Variants in ZFY observed in about 807,000 individuals in gnomAD.
The protein encoded by ZFY is zinc finger Y-chromosomal protein.
For synonymous variants in ZFY, 47 were observed against 55.8 expected (o/e 0.84, Z 0.71); for missense variants, 113 against 170.9 (o/e 0.66, Z 1.89).
intron 2 of ZFY, among the ~76,000 whole-genome samples, chrY:2,959,953 T>G: frequency 3.3e-5 from 1 of 30,608 alleles, no homozygotes; most frequent in Non-Finnish European, 7.8e-5. Context: ...TTGTGATACG[T>G]GAATAGCTTT....
intron 2 of ZFY, among the ~76,000 whole-genome samples, chrY:2,958,255 T>C (rs2051299300): frequency 9.0e-5 from 3 of 33,313 alleles, no homozygotes; most frequent in African/African-American, 2.3e-4. Context: ...TAAGTTCTAG[T>C]GATTAGAGAA....
chrY:2,956,383 G>A, intron 2 of ZFY, among the ~76,000 whole-genome samples: 1 of 33,359 alleles, frequency 3.0e-5, no homozygotes. Context: ...CAATTATACA[G>A]TTCACCATAA....
Position 2,981,396 on chromosome Y carries a change from A to C in ZFY, c.*1403A>C, listed in dbSNP as rs2051398643. 3.0e-5 allele frequency: 1 copy of C among 33,767 alleles called. No individual in the cohort carries two copies. The allele number at this position is 33,767 out of a possible 400,897, so 8.4% of individuals were successfully genotyped here. Reference sequence around the variant, plus strand: ...AAGTTAATGTTATTAAGCAGTTAATAATTTATATGTATGGATATAATATAA... The same window carrying C: ...AAGTTAATGTTATTAAGCAGTTAATCATTTATATGTATGGATATAATATAA... On this transcript the variant is annotated 3_prime_UTR_variant, in exon 8 of 8. Coordinates refer to ENST00000155093, the MANE Select transcript of ZFY (RefSeq NM_003411.4).
chrY:2,940,168 A>G, intron 1 of ZFY, among the ~76,000 whole-genome samples: 1 of 33,529 alleles, frequency 3.0e-5, no homozygotes, highest in Non-Finnish European at 7.4e-5. Context: ...TGAAAACAGG[A>G]TTCTCAGGAA....
intron 3 of ZFY, among the ~76,000 whole-genome samples, chrY:2,970,788 A>G (rs1033925641): frequency 1.2e-4 from 4 of 33,425 alleles, no homozygotes; most frequent in Non-Finnish European, 1.5e-4. Context: ...TGCCCTTCCA[A>G]TTACCTCTCC....
intron 3 of ZFY, among the ~76,000 whole-genome samples, chrY:2,965,668 G>A (rs2051325145): frequency 3.0e-5 from 1 of 33,824 alleles, no homozygotes; most frequent in Non-Finnish European, 7.3e-5. Flanking sequence ...TGAAAAACTG[G>A]GACATATTCC....
intron 1 of ZFY, among the ~76,000 whole-genome samples, chrY:2,947,017 C>CA (rs2051263862): frequency 4.2e-4 from 11 of 26,165 alleles, no homozygotes; most frequent in Admixed American, 2.5e-3. Flanking sequence ...GACTCCGTCT[C>CA]AAAAAAAAAA....
chrY:2,961,051 C>A (rs1471864181), intron 2 of ZFY, 23 bp from the exon 3 acceptor site: 2 of 379,627 alleles, frequency 5.3e-6, no homozygotes, highest in Admixed American at 1.5e-4. Context: ...TGAGATTTGT[C>A]ATTTTAATTT....
intron 3 of ZFY, among the ~76,000 whole-genome samples, chrY:2,962,382 G>A (rs2051314238): frequency 6.0e-5 from 2 of 33,345 alleles, no homozygotes; most frequent in African/African-American, 2.3e-4. Flanking sequence ...TATTTTCTAC[G>A]TTAATATGGT....
intron 1 of ZFY, among the ~76,000 whole-genome samples, chrY:2,953,588 G>A (rs2051284933): frequency 3.0e-5 from 1 of 33,493 alleles, no homozygotes; most frequent in African/African-American, 1.2e-4. Flanking sequence ...CAGATATGGC[G>A]GCCTGTAGTC....
intron 1 of ZFY, among the ~76,000 whole-genome samples, chrY:2,944,185 A>AT (rs2051254916): frequency 9.1e-5 from 3 of 32,816 alleles, no homozygotes; most frequent in Non-Finnish European, 2.2e-4. Flanking sequence ...TTTTTTTTGC[A>AT]TTTTTTGTAC....
At chrY:2,954,699 AAAAT>A (rs751926000) in intron 2 of ZFY, among the ~76,000 whole-genome samples, 976 of 26,526 alleles carry the variant, frequency 0.037, no homozygotes, top group African/African-American at 0.13. Context: ...AGTGTCTCAA[AAAAT>A]AAATAAATAA....
At chrY:2,973,297 G>A in intron 3 of ZFY, among the ~76,000 whole-genome samples, 1 of 32,689 alleles carries the variant, frequency 3.1e-5, no homozygotes, top group African/African-American at 1.2e-4. Flanking sequence ...ATCCACTCAC[G>A]TCCACCTCCC....
intron 1 of ZFY, among the ~76,000 whole-genome samples, chrY:2,950,301 T>C: frequency 3.1e-5 from 1 of 32,556 alleles, no homozygotes; most frequent in African/African-American, 1.2e-4. Flanking sequence ...CCCCCTCCCG[T>C]GGTCCCTCAA....
In ZFY at chrY:2,963,311, C is replaced by T. The variant is rs768400718; in HGVS notation, c.634+1665C>T. On this transcript the variant is annotated intron_variant, in intron 3 of 7. Transcript: ENST00000155093. ...GCAGGTTTTTCTCCTCTGAATATCTCATTTAAAATGATGAGAGAGTCCTCT... is the reference window on the plus strand; with the variant it reads ...GCAGGTTTTTCTCCTCTGAATATCTTATTTAAAATGATGAGAGAGTCCTCT... Among the ~76,000 whole-genome samples, 8 of 33,365 alleles carry T rather than the reference C, an allele frequency of 2.4e-4. No homozygotes were observed. In the South Asian group the frequency reaches 5.2e-3, roughly 22 times the overall value. 89.5% of individuals were successfully genotyped at this position (33,365 alleles called of 37,273 possible).
chrY:2,951,950 G>T, intron 1 of ZFY, among the ~76,000 whole-genome samples: 1 of 24,943 alleles, frequency 4.0e-5, no homozygotes, highest in East Asian at 1.0e-3. Context: ...ATGGAGTCTC[G>T]CTCTGTCGCC....
At chrY:2,954,951 A>G (rs2051288902) in intron 2 of ZFY, among the ~76,000 whole-genome samples, 1 of 31,644 alleles carries the variant, frequency 3.2e-5, no homozygotes, top group Non-Finnish European at 7.6e-5. Flanking sequence ...AGTGGAGTCC[A>G]TCTTATGTTT....
intron 1 of ZFY, among the ~76,000 whole-genome samples, chrY:2,940,384 T>A: frequency 8.9e-5 from 3 of 33,559 alleles, no homozygotes; most frequent in Non-Finnish European, 2.2e-4. Flanking sequence ...GGAATCTACG[T>A]CAATGGCTTT....
intron 3 of ZFY, among the ~76,000 whole-genome samples, chrY:2,966,065 A>G: frequency 3.0e-5 from 1 of 33,221 alleles, no homozygotes; most frequent in Admixed American, 2.7e-4. Flanking sequence ...GCCAAATTAT[A>G]TTATTTTAAA....
Sources: gnomAD v4.1 joint callset for allele counts (sites outside exome capture counted in the v4.1 genomes callset) on GRCh38, gnomAD v4.1.1 for gene constraint, MANE v1.5 for transcripts, NCBI Gene and HGNC (gene_info 2026-07-23, HGNC 2026-07-21) for gene names.